Variants in ERCC2 observed in about 807,000 individuals in gnomAD.
The protein encoded by ERCC2 is general transcription and DNA repair factor IIH helicase subunit XPD.
ERCC2 carries 90 observed loss-of-function variants against 99.4 expected under a neutral mutation model. That is an observed-to-expected ratio of 0.91 (90% CI 0.76 to 1.08). The LOEUF (loss-of-function observed/expected upper bound fraction) is 1.08. ERCC2 is among the 50% of genes least tolerant of loss of function. The pLI is 0.00. For missense variants in ERCC2, 993 were observed against 1,038.1 expected (o/e 0.96, Z 0.60); for synonymous variants, 497 against 432.4 (o/e 1.15, Z -1.85).
chr19:45,369,576 T>C (rs887247826), intron 2 of ERCC2, among the ~76,000 whole-genome samples: 1 of 151,964 alleles, frequency 6.6e-6, no homozygotes, highest in South Asian at 2.1e-4. Flanking sequence ...ATAAATAAAA[T>C]AAAATGGGCC....
At position 45,350,001 on chromosome 19, in the gene ERCC2, C is replaced by G. The variant is rs990482658; in HGVS notation, c.*1628G>C. 1 of 440,444 alleles carries G rather than the reference C, an allele frequency of 2.3e-6. No individual in the cohort carries two copies. The highest frequency in any genetic ancestry group is 4.0e-5 in the East Asian group (1 of 25,262). The allele number at this position is 440,444 out of a possible 1,614,324, so 27.3% of individuals were successfully genotyped here. ...GCCATGCCACCAGCCCAAAGTACAGCAGACAGGCTCAGAAACAGGAGGCTG... is the reference window on the plus strand; with the variant it reads ...GCCATGCCACCAGCCCAAAGTACAGGAGACAGGCTCAGAAACAGGAGGCTG... On this transcript the variant is annotated 3_prime_UTR_variant, in exon 23 of 23. Coordinates refer to ENST00000391945, the MANE Select transcript of ERCC2 (RefSeq NM_000400.4).
Position 45,350,312 on chromosome 19 carries a change from A to G in ERCC2, c.*1317T>C. On this transcript the variant is annotated 3_prime_UTR_variant, in exon 23 of 23. Transcript: ENST00000391945. ...TGCAGTGTTGGGAACTGGGGTCCGA[A>G]AAGTTCCCAGACACTCCCTTCTCCG... The G allele has an allele frequency of 1.2e-6, 2 of 1,602,256 alleles. No homozygotes were observed. The highest frequency in any genetic ancestry group is 1.7e-6 in the Non-Finnish European group (2 of 1,172,482).
At position 45,354,805 on chromosome 19, in the gene ERCC2, C is replaced by T. The variant is rs1599729142; in HGVS notation, c.1590G>A (p.Val530=). ...YGNLLLEMSA[V]VPDGIVAFFT... The stretch of plus-strand genomic sequence containing the variant: ...AGAAGGCCACGATGCCATCAGGGAC[C>T]ACAGCGGACATCTCCAGCAGGAGGT... The change falls in exon 17 of 23, where the codon GTG becomes GTA. Residue 530 remains valine, a synonymous_variant. Transcript: ENST00000391945. The T allele has an allele frequency of 2.5e-6, 4 of 1,614,122 alleles. No individual in the cohort carries two copies. Among genetic ancestry groups the T allele is most frequent in the East Asian group, 2.2e-5 (1 of 44,884 alleles).
At chr19:45,366,200 T>C (rs930634701) in intron 5 of ERCC2, among the ~76,000 whole-genome samples, 4 of 151,752 alleles carry the variant, frequency 2.6e-5, no homozygotes, top group African/African-American at 9.7e-5. Context: ...TGGAGTGCAA[T>C]GGCACGATCT....
rs570452750 is a variant in ERCC2, at chr19:45,370,193, G to A, written c.45C>T (p.Asp15=). Residue 15 remains aspartate (D), a synonymous_variant, in exon 2 of 23, where the codon GAC becomes GAT. Coordinates refer to ENST00000391945, the MANE Select transcript of ERCC2 (RefSeq NM_000400.4). ...VDGLLVYFPY[D]YIYPEQFSYM... is the part of the protein sequence containing the mutation. The stretch of plus-strand genomic sequence containing the variant: ...AGGAGAACTGCTCGGGGTAGATGTA[G>A]TCGTACGGGAAGTAGACCAGGAGCC... 9.9e-6 allele frequency: 16 copies of A among 1,613,420 alleles called. No homozygotes were observed. Among genetic ancestry groups the A allele is most frequent in the Non-Finnish European group, 1.3e-5 (15 of 1,179,550 alleles).
intron 5 of ERCC2, among the ~76,000 whole-genome samples, chr19:45,367,366 TATACACACACACAC>T (rs1227637038): frequency 4.8e-4 from 44 of 90,738 alleles, no homozygotes; most frequent in African/African-American, 2.1e-3. Flanking sequence ...TATATATATA[TATACACACACACAC>T]ACACACACAC....
chr19:45,364,978 A>G (rs1261407256), intron 6 of ERCC2, 24 bp from the exon 7 acceptor site: 2 of 1,610,468 alleles, frequency 1.2e-6, no homozygotes, highest in East Asian at 2.2e-5. Context: ...GCCAGGGGTC[A>G]GGGAGGCTGC....
chr19:45,359,434 C>T (rs917601825), intron 12 of ERCC2, among the ~76,000 whole-genome samples: 1 of 152,276 alleles, frequency 6.6e-6, no homozygotes, highest in African/African-American at 2.4e-5. Context: ...GGACATGAGG[C>T]CCGATCTGGT....
chr19:45,364,066 T>A lies in ERCC2; in HGVS notation c.869A>T (p.Glu290Val), dbSNP rs1294229556. Residue 290 changes from glutamate to valine, a missense_variant, in exon 10 of 23, where the codon GAG becomes GTG. By Grantham distance (121) the Glu-to-Val change is moderately radical (BLOSUM62 -2). Transcript: ENST00000391945. ...GGCGGCGCTGGCCTCCCGCAGCCCC[T>A]CCACCAGACGCCGGTACTCGTCCCG... is the stretch of plus-strand genomic sequence containing the variant. Reference protein sequence around the residue: ...RLRDEYRRLVEGLREASAARE... With the variant: ...RLRDEYRRLVVGLREASAARE... 8 of 1,585,424 alleles carry A rather than the reference T, an allele frequency of 5.0e-6. No individual in the cohort carries two copies. The highest frequency in any genetic ancestry group is 6.9e-6 in the Non-Finnish European group (8 of 1,166,684).
intron 11 of ERCC2, among the ~76,000 whole-genome samples, chr19:45,363,052 C>A (rs1016138859): frequency 6.6e-6 from 1 of 152,146 alleles, no homozygotes; most frequent in Non-Finnish European, 1.5e-5. Flanking sequence ...ACCAAAGAAC[C>A]CTGTGAAGTA....
In ERCC2 at chr19:45,352,208, C is replaced by G. The variant is rs921743604; in HGVS notation, c.2190+1G>C. On this transcript the variant is annotated splice_donor_variant, in intron 22 of 22. Coordinates refer to ENST00000391945, the MANE Select transcript of ERCC2 (RefSeq NM_000400.4). LOFTEE classifies it high-confidence loss of function. Reference sequence around the variant, plus strand: ...TGCCGGGAGGGGGACGCAGGCCTCACCCGGTGGAAGGGCTGTGCCATCTGC... The same window carrying G: ...TGCCGGGAGGGGGACGCAGGCCTCAGCCGGTGGAAGGGCTGTGCCATCTGC... The G allele has an allele frequency of 9.9e-6, 16 of 1,613,446 alleles. No individual in the cohort carries two copies. The highest frequency in any genetic ancestry group is 1.4e-5 in the Non-Finnish European group (16 of 1,179,874).
chr19:45,363,659 C>T (rs1972304958), intron 11 of ERCC2, 84 bp downstream of exon 11: 2 of 1,413,728 alleles, frequency 1.4e-6, no homozygotes, highest in African/African-American at 1.4e-5. Flanking sequence ...GCAGTGGTGA[C>T]CTGGGGCTAC....
chr19:45,354,038 G>C (rs888205601), intron 17 of ERCC2, among the ~76,000 whole-genome samples: 3 of 152,202 alleles, frequency 2.0e-5, no homozygotes, highest in African/African-American at 4.8e-5. Flanking sequence ...GCACAAGGCC[G>C]ATGTCCTGGC....
chr19:45,369,003 C>T lies in ERCC2; in HGVS notation c.184-11G>A, dbSNP rs1972519104. 6.2e-7 allele frequency: 1 copy of T among 1,614,180 alleles called. No homozygotes were observed. The highest frequency in any genetic ancestry group is 8.5e-7 in the Non-Finnish European group (1 of 1,180,002). ...CTCCAGCGGATATGCCTGCCGATAACAAGCGGACTCAGTCCCTGTCCCGCC... is the reference window on the plus strand; with the variant it reads ...CTCCAGCGGATATGCCTGCCGATAATAAGCGGACTCAGTCCCTGTCCCGCC... On this transcript the variant is annotated splice_polypyrimidine_tract_variant and intron_variant, in intron 3 of 22. Transcript: ENST00000391945.
At chr19:45,361,157 A>C (rs1261003281) in intron 12 of ERCC2, among the ~76,000 whole-genome samples, 1 of 149,562 alleles carries the variant, frequency 6.7e-6, no homozygotes, top group Non-Finnish European at 1.5e-5. Context: ...CACAAATCTG[A>C]CCTGGCACCT....
Position 45,352,647 on chromosome 19 carries a change from C to T in ERCC2, c.1905G>A (p.Ala635=), listed in dbSNP as rs145835916. 4.3e-4 allele frequency: 700 copies of T among 1,613,822 alleles called. No individual in the cohort carries two copies. Among genetic ancestry groups the T allele is most frequent in the Non-Finnish European group, 5.7e-4 (674 of 1,180,032 alleles). ...ACTGGTCCCGCAGGTATTCCAGCCG[C>T]GCCTGCAGATACGGAGGATGAGAAG... is the stretch of plus-strand genomic sequence containing the variant. ...YVYTQSRILK[A]RLEYLRDQFQ... Residue 635 remains alanine (A), a splice_region_variant and synonymous_variant, in exon 21 of 23, where the codon GCG becomes GCA. Coordinates refer to ENST00000391945, the MANE Select transcript of ERCC2 (RefSeq NM_000400.4).
In ERCC2 at chr19:45,365,100, G is replaced by A; in HGVS notation, c.419C>T (p.Ser140Phe). The A allele has an allele frequency of 2.5e-6, 4 of 1,614,198 alleles. No homozygotes were observed. Among genetic ancestry groups the A allele is most frequent in the Non-Finnish European group, 3.4e-6 (4 of 1,180,030 alleles). ...ATGCTGGTACTGCGCCCGCACATAG[G>A]AGGCTGTGAGGCTGTGGCATTTCCC... Reference protein sequence around the residue: ...VDGKCHSLTASYVRAQYQHDT... With the variant: ...VDGKCHSLTAFYVRAQYQHDT... Residue 140 changes from serine to phenylalanine, a missense_variant, in exon 6 of 23, where the codon TCC becomes TTC. Ser to Phe is a radical substitution (Grantham distance 155, BLOSUM62 -2). This residue lies in a region of ERCC2 where 909 missense variants were observed against 930.8 expected (regional missense o/e 0.98). Coordinates refer to ENST00000391945, the MANE Select transcript of ERCC2 (RefSeq NM_000400.4).
chr19:45,363,277 C>T (rs1001388599), intron 11 of ERCC2, among the ~76,000 whole-genome samples: 1 of 152,118 alleles, frequency 6.6e-6, no homozygotes, highest in Non-Finnish European at 1.5e-5. Context: ...TGGGAAGATA[C>T]ATGGGCCGGG....
chr19:45,350,649 C>G lies in ERCC2; in HGVS notation c.*980G>C. On this transcript the variant is annotated 3_prime_UTR_variant, in exon 23 of 23. Transcript: ENST00000391945. ...CCCCGGCCCCTCCCCAGGCCCTTCG[C>G]CGCAGCAGCTCACTCTCCAAGATCC... 6.2e-7 allele frequency: 1 copy of G among 1,613,758 alleles called. No individual in the cohort carries two copies. Among genetic ancestry groups the G allele is most frequent in the Admixed American group, 1.7e-5 (1 of 59,992 alleles).
Sources: allele counts gnomAD v4.1 joint callset (sites outside exome capture counted in the v4.1 genomes callset), GRCh38; gene constraint gnomAD v4.1.1; regional missense constraint gnomAD v4.1.1; transcripts MANE v1.5; gene names NCBI Gene and HGNC (gene_info 2026-07-23, HGNC 2026-07-21).